Variants in VPS13B observed in about 807,000 individuals in gnomAD.
VPS13B encodes vacuolar protein sorting 13 homolog B.
Under a neutral mutation model 426.4 loss-of-function variants are expected in VPS13B, and 285 were observed. The ratio of observed to expected loss-of-function variants is 0.67; its 90% CI spans 0.61 to 0.74. The LOEUF (loss-of-function observed/expected upper bound fraction) is 0.74, where lower values mean the gene tolerates loss of function less well. VPS13B is among the 30% of genes least tolerant of loss of function. VPS13B has a pLI of 0.00. For synonymous variants in VPS13B, 1,676 were observed against 1,676.4 expected (o/e 1.00, Z 0.01); for missense variants, 4,537 against 4,782.6 (o/e 0.95, Z 1.51).
chr8:99,359,943 C>A (rs947401405), intron 19 of VPS13B, among the ~76,000 whole-genome samples: 3 of 152,110 alleles, frequency 2.0e-5, no homozygotes, highest in African/African-American at 7.2e-5. Context: ...ACTGGGACTA[C>A]AGGCACGTGG....
intron 39 of VPS13B, among the ~76,000 whole-genome samples, chr8:99,723,739 GT>G (rs1833222291): frequency 6.6e-6 from 1 of 152,170 alleles, no homozygotes; most frequent in African/African-American, 2.4e-5. Context: ...CAAGCAAAGA[GT>G]TGGTATCAAA....
chr8:99,473,930 A>T (rs2133532436), intron 24 of VPS13B, among the ~76,000 whole-genome samples: 1 of 152,286 alleles, frequency 6.6e-6, no homozygotes, highest in Middle Eastern at 3.4e-3. Context: ...GAATAAATCT[A>T]ACAAAAGATA....
At chr8:99,364,350 G>A (rs1445043769) in intron 19 of VPS13B, among the ~76,000 whole-genome samples, 1 of 151,984 alleles carries the variant, frequency 6.6e-6, no homozygotes, top group Non-Finnish European at 1.5e-5. Context: ...TTGTATTGCT[G>A]TATTGCTGAA....
intron 17 of VPS13B, among the ~76,000 whole-genome samples, chr8:99,203,300 A>T (rs1180727246): frequency 6.6e-6 from 1 of 152,206 alleles, no homozygotes; most frequent in Non-Finnish European, 1.5e-5. Flanking sequence ...AAGGCCTTCA[A>T]TAAAATTCAA....
At chr8:99,029,200 C>T (rs1477781518) in intron 2 of VPS13B, among the ~76,000 whole-genome samples, 1 of 150,456 alleles carries the variant, frequency 6.6e-6, no homozygotes, top group African/African-American at 2.5e-5. Context: ...CAGAAACGCT[C>T]CTCACTTCCT....
At chr8:99,641,785 A>C (rs1296422046) in intron 33 of VPS13B, 26 bp from the exon 34 acceptor site, 1 of 1,593,610 alleles carries the variant, frequency 6.3e-7, no homozygotes. Context: ...ACTAGTTTGA[A>C]ATATTTTATT....
chr8:99,103,136 G>T lies in VPS13B; in HGVS notation c.580+16G>T, dbSNP rs762012632. 1 of 1,612,916 alleles carries T rather than the reference G, an allele frequency of 6.2e-7. No individual in the cohort carries two copies. Among genetic ancestry groups the T allele is most frequent in the East Asian group, 2.2e-5 (1 of 44,790 alleles). Reference sequence around the variant, plus strand: ...GATATTTCTGGTGAGTAAATATGGAGAATACCGTATATTTTTCCATAATTG... The same window carrying T: ...GATATTTCTGGTGAGTAAATATGGATAATACCGTATATTTTTCCATAATTG... On this transcript the variant is annotated intron_variant, in intron 5 of 61. Transcript: ENST00000357162.
rs1318833301 is a variant in VPS13B at position 99,828,408 on chromosome 8, T to G, written c.9331-3961T>G. 4.3e-3 allele frequency among the ~76,000 whole-genome samples: 240 copies of G among 55,538 alleles called. 2 individuals are homozygous for G. Among genetic ancestry groups the G allele is most frequent in the East Asian group, 0.011 (16 of 1,418 alleles). The allele number at this position is 55,538 out of a possible 152,430, so 36.4% of individuals were successfully genotyped here. A position where few individuals can be genotyped will look rare whatever the true frequency, so the allele number is the denominator to read the frequency against. On this transcript the variant is annotated intron_variant, in intron 51 of 61. Coordinates refer to ENST00000357162, the MANE Select transcript of VPS13B (RefSeq NM_152564.5). The stretch of plus-strand genomic sequence containing the variant: ...TTACAACCACCGTTTTTTTTTTTTT[T>G]TTTTTTTTTTTTTTTTTTTTTTTTT...
At chr8:99,270,129 A>ATATTTTTTTTTT (rs1370378172) in intron 17 of VPS13B, among the ~76,000 whole-genome samples, 1 of 16,826 alleles carries the variant, frequency 5.9e-5, no homozygotes, top group African/African-American at 1.4e-4. Context: ...AGATATAAGA[A>ATATTTTTTTTTT]TCTTTTTTTT....
intron 39 of VPS13B, among the ~76,000 whole-genome samples, chr8:99,754,292 A>C (rs16897662): frequency 6.6e-6 from 1 of 152,014 alleles, no homozygotes; most frequent in Non-Finnish European, 1.5e-5. Flanking sequence ...TCCAACTTCC[A>C]TTACCAGAAT....
intron 31 of VPS13B, among the ~76,000 whole-genome samples, chr8:99,568,409 G>C (rs755360940): frequency 5.9e-5 from 9 of 151,688 alleles, no homozygotes; most frequent in Non-Finnish European, 1.0e-4. Context: ...TCTTGCCTCA[G>C]CCTCCGAAGT....
At chr8:99,552,745 C>T (rs1824348916) in intron 30 of VPS13B, among the ~76,000 whole-genome samples, 3 of 152,004 alleles carry the variant, frequency 2.0e-5, no homozygotes, top group Admixed American at 1.3e-4. Flanking sequence ...GTCCTGTGTG[C>T]ACTTTACCCA....
At chr8:99,462,708 T>C (rs151226288) in intron 23 of VPS13B, among the ~76,000 whole-genome samples, 10 of 152,288 alleles carry the variant, frequency 6.6e-5, no homozygotes, top group Non-Finnish European at 1.3e-4. Flanking sequence ...TAACATCCAA[T>C]GTGATGTTTA....
chr8:99,640,222 CTT>C (rs905984988), intron 33 of VPS13B, among the ~76,000 whole-genome samples: 1 of 151,852 alleles, frequency 6.6e-6, no homozygotes, highest in African/African-American at 2.4e-5. Flanking sequence ...TATTCAGTAA[CTT>C]TAAACTTTTT....
intron 19 of VPS13B, among the ~76,000 whole-genome samples, chr8:99,318,602 C>T (rs1809799491): frequency 6.6e-6 from 1 of 152,150 alleles, no homozygotes; most frequent in African/African-American, 2.4e-5. Context: ...TCACTGCAAC[C>T]TCCACCTCCT....
At chr8:99,094,400 T>A (rs1563536177) in intron 3 of VPS13B, among the ~76,000 whole-genome samples, 1 of 152,200 alleles carries the variant, frequency 6.6e-6, no homozygotes. Context: ...TCTTTTAGTA[T>A]TTAAGACTGT....
chr8:99,062,353 AAG>A (rs1375268318), intron 3 of VPS13B, among the ~76,000 whole-genome samples: 1 of 152,210 alleles, frequency 6.6e-6, no homozygotes, highest in Non-Finnish European at 1.5e-5. Context: ...CAAAACCAAT[AAG>A]AGATTAGATA....
In VPS13B at chr8:99,481,785, A is replaced by G. The variant is rs759888573; in HGVS notation, c.3853A>G (p.Ile1285Val). The change falls in exon 25 of 62, where the codon ATT becomes GTT. Residue 1285 changes from isoleucine to valine, a missense_variant. By Grantham distance (29) the Ile-to-Val change is conservative (BLOSUM62 3). Coordinates refer to ENST00000357162, the MANE Select transcript of VPS13B (RefSeq NM_152564.5). ...DTSTCSPSAD[I>V]GTTTEGDSIQ... Reference sequence around the variant, plus strand: ...CAGCACATGCAGCCCATCTGCTGACATTGGGACTACTACTGAGGTAAGTGT... The same window carrying G: ...CAGCACATGCAGCCCATCTGCTGACGTTGGGACTACTACTGAGGTAAGTGT... The G allele has an allele frequency of 1.9e-6, 3 of 1,613,866 alleles. No individual in the cohort carries two copies. The South Asian group carries it at 3.3e-5, about 18-fold the overall frequency.
chr8:99,103,290 G>T (rs1039839543), intron 5 of VPS13B, among the ~76,000 whole-genome samples, 170 bp downstream of exon 5: 2 of 152,080 alleles, frequency 1.3e-5, no homozygotes, highest in African/African-American at 2.4e-5. Flanking sequence ...ATTACAGGAG[G>T]TTAGTAGACA....
Sources: gnomAD v4.1 joint callset for allele counts (sites outside exome capture counted in the v4.1 genomes callset) on GRCh38, gnomAD v4.1.1 for gene constraint, MANE v1.5 for transcripts, NCBI Gene and HGNC (gene_info 2026-07-23, HGNC 2026-07-21) for gene names.